The following TDRD9 variants were observed in gnomAD, a reference collection of about 807,000 sequenced individuals.
TDRD9 encodes the protein ATP-dependent RNA helicase TDRD9.
TDRD9 carries 124 observed loss-of-function variants against 172.6 expected under a neutral mutation model. The observed-to-expected ratio is 0.72, with a 90% confidence interval of 0.62 to 0.83. The LOEUF is 0.83. Ranked by LOEUF, TDRD9 falls within the 40% of genes least tolerant of loss-of-function variation. The pLI, the probability that TDRD9 is intolerant of heterozygous loss-of-function variation, is 0.00. For synonymous variants in TDRD9, 619 were observed against 617.1 expected, an observed-to-expected ratio of 1.00 and a Z score of -0.05; for missense variants, 1,479 against 1,714.1, an observed-to-expected ratio of 0.86 and a Z score of 2.42.
chr14:104,032,223 T>C (rs1437072367), intron 30 of TDRD9, 136 bp downstream of exon 30: 2 of 616,188 alleles, frequency 3.2e-6, no homozygotes, highest in Non-Finnish European at 5.3e-6. Context: ...TTCTTTTTTT[T>C]TGAGACAGAG....
At chr14:104,031,965 G>T in intron 29 of TDRD9, 52 bp from the exon 30 acceptor site, 2 of 1,211,680 alleles carry the variant, frequency 1.7e-6, no homozygotes, top group Non-Finnish European at 2.3e-6. Context: ...AAAAATTCAT[G>T]TTAAGTGTTA....
At chr14:103,961,830 A>G (rs1031349544) in intron 2 of TDRD9, among the ~76,000 whole-genome samples, 3 of 152,178 alleles carry the variant, frequency 2.0e-5, no homozygotes, top group African/African-American at 7.2e-5. Flanking sequence ...ATGTAGGGAA[A>G]AGATGTAGGA....
At chr14:103,953,402 T>A (rs953758861) in intron 1 of TDRD9, among the ~76,000 whole-genome samples, 5 of 151,332 alleles carry the variant, frequency 3.3e-5, no homozygotes, top group Non-Finnish European at 7.4e-5. Flanking sequence ...AATGCTGATA[T>A]TTTGGAACAG....
At chr14:103,985,981 T>C (rs2033644407) in intron 7 of TDRD9, among the ~76,000 whole-genome samples, 1 of 152,210 alleles carries the variant, frequency 6.6e-6, no homozygotes. Flanking sequence ...GAGCCATTCT[T>C]GCTCTGGTGA....
intron 13 of TDRD9, among the ~76,000 whole-genome samples, chr14:104,000,947 A>G (rs1012230236): frequency 2.0e-5 from 3 of 152,232 alleles, no homozygotes; most frequent in African/African-American, 4.8e-5. Flanking sequence ...TTCTTCCTCT[A>G]TAAGATATTG....
chr14:103,967,319 A>G (rs946872150), intron 5 of TDRD9, among the ~76,000 whole-genome samples: 64 of 124,044 alleles, frequency 5.2e-4, no homozygotes, highest in African/African-American at 1.8e-3. Flanking sequence ...CCTGGCCAAC[A>G]TGGTGAAACC....
intron 11 of TDRD9, among the ~76,000 whole-genome samples, chr14:103,995,428 C>T (rs749045931): frequency 6.6e-5 from 10 of 152,164 alleles, no homozygotes; most frequent in Admixed American, 3.9e-4. Flanking sequence ...TTCTAGAAAC[C>T]TGGTTGTGCC....
intron 18 of TDRD9, 102 bp downstream of exon 18, chr14:104,006,947 A>G: frequency 4.4e-6 from 5 of 1,124,528 alleles, no homozygotes; most frequent in Non-Finnish European, 6.5e-6. Context: ...TGTTTTATCT[A>G]GTGAAAGTAT....
At chr14:103,996,187 C>G (rs771479169) in intron 12 of TDRD9, among the ~76,000 whole-genome samples, 2 of 152,192 alleles carry the variant, frequency 1.3e-5, no homozygotes, top group Non-Finnish European at 2.9e-5. Flanking sequence ...TGGAGCAGCC[C>G]ACTTTGTCAT....
chr14:103,928,780 C>G (rs1595883764), intron 1 of TDRD9, 56 bp downstream of exon 1: 1 of 598,858 alleles, frequency 1.7e-6, no homozygotes, highest in East Asian at 5.0e-5. Context: ...GGCCTGGCGA[C>G]GAGGGCACGG....
At chr14:103,930,108 G>T (rs1355524152) in intron 1 of TDRD9, among the ~76,000 whole-genome samples, 3 of 152,108 alleles carry the variant, frequency 2.0e-5, no homozygotes, top group Non-Finnish European at 4.4e-5. Flanking sequence ...CTTCCAGCTT[G>T]GAGTATCTCC....
chr14:104,028,526 T>G lies in TDRD9; in HGVS notation c.3282+1587T>G, dbSNP rs190078782. Reference sequence around the variant, plus strand: ...GTCTGTTCAGATGCTTTGCCCACTTTTTAATTGGATTATTTGCTTTTTTGC... The same window carrying G: ...GTCTGTTCAGATGCTTTGCCCACTTGTTAATTGGATTATTTGCTTTTTTGC... On this transcript the variant is annotated intron_variant, in intron 28 of 35. Transcript: ENST00000409874. Among the ~76,000 whole-genome samples, 15 of 152,304 alleles carry G rather than the reference T, an allele frequency of 9.8e-5. No homozygotes were observed. The East Asian group carries it at 1.7e-3, about 18-fold the overall frequency.
intron 13 of TDRD9, among the ~76,000 whole-genome samples, chr14:104,000,525 C>T (rs1043652332): frequency 1.3e-5 from 2 of 152,258 alleles, no homozygotes; most frequent in African/African-American, 4.8e-5. Flanking sequence ...TGGCTTGTGC[C>T]TGTAATCCCA....
intron 32 of TDRD9, among the ~76,000 whole-genome samples, chr14:104,039,447 TCA>T (rs1455575948): frequency 6.6e-6 from 1 of 152,236 alleles, no homozygotes; most frequent in Non-Finnish European, 1.5e-5. Flanking sequence ...CCACTGTAAT[TCA>T]CAGTGTGGTT....
At chr14:103,954,258 T>A (rs1396866542) in intron 1 of TDRD9, among the ~76,000 whole-genome samples, 3 of 152,216 alleles carry the variant, frequency 2.0e-5, no homozygotes, top group African/African-American at 7.2e-5. Context: ...TTGGACATGT[T>A]TTTCAGGTTT....
At chr14:103,940,058 A>G (rs1424718000) in intron 1 of TDRD9, among the ~76,000 whole-genome samples, 1 of 152,090 alleles carries the variant, frequency 6.6e-6, no homozygotes, top group Non-Finnish European at 1.5e-5. Flanking sequence ...CTAATGTATA[A>G]TTTCCTACTT....
chr14:103,939,686 T>TTG (rs2031059580), intron 1 of TDRD9: 1 of 144,574 alleles, frequency 6.9e-6, no homozygotes, highest in East Asian at 2.0e-4. Flanking sequence ...GGTTTTTTTT[T>TTG]TTTTTTTTTT....
chr14:104,005,777 G>A (rs1292194010), intron 15 of TDRD9, among the ~76,000 whole-genome samples: 2 of 152,086 alleles, frequency 1.3e-5, no homozygotes, highest in Admixed American at 6.6e-5. Flanking sequence ...TCTGACCTTC[G>A]AAGTTGAGGA....
rs1566770742 is a variant in TDRD9 at position 103,998,676 on chromosome 14, T to C, written c.1431T>C (p.Tyr477=). 6.2e-7 allele frequency: 1 copy of C among 1,612,080 alleles called. No individual in the cohort carries two copies. The highest frequency in any genetic ancestry group is 1.3e-5 in the African/African-American group (1 of 75,016). Residue 477 remains tyrosine, a synonymous_variant, in exon 13 of 36, where the codon TAT becomes TAC. Transcript: ENST00000409874. ...TGGTCTGTGATGAAGATACAAATTA[T>C]CAGAGTCTGCGATTGAGTTGGGCTT... The part of the protein sequence containing the change: ...RTLVCDEDTN[Y]QSLRLSWASK...
Sources: allele counts gnomAD v4.1 joint callset (sites outside exome capture counted in the v4.1 genomes callset), GRCh38; gene constraint gnomAD v4.1.1; transcripts MANE v1.5; gene names NCBI Gene and HGNC (gene_info 2026-07-23, HGNC 2026-07-21).